NBPF15: variants seen among roughly 807,000 people sequenced by gnomAD.
NBPF15 encodes NBPF member 15.
Under a neutral mutation model 62.2 loss-of-function variants are expected in NBPF15, and 74 were observed. The ratio of observed to expected loss-of-function variants is 1.19; its 90% CI spans 0.99 to 1.44. The LOEUF (loss-of-function observed/expected upper bound fraction) is 1.44, where lower values mean the gene tolerates loss of function less well. Ranked by LOEUF, NBPF15 falls within the 40% of genes most tolerant of loss-of-function variation. The probability of loss-of-function intolerance (pLI) is 0.00; values close to 1 mark genes in which losing one functional copy is unlikely to be tolerated. For missense variants in NBPF15, 790 were observed against 550.0 expected, an observed-to-expected ratio of 1.44 and a Z score of -4.36; for synonymous variants, 244 against 209.7, an observed-to-expected ratio of 1.16 and a Z score of -1.41.
At chr1:144,455,188 A>G (rs1357776255) in intron 4 of NBPF15, among the ~76,000 whole-genome samples, 1 of 147,342 alleles carries the variant, frequency 6.8e-6, no homozygotes, top group Non-Finnish European at 1.5e-5. Flanking sequence ...AGGGAGGAAG[A>G]AAGGAAGGGA....
chr1:144,443,998 G>T (rs1332397670), intron 6 of NBPF15, among the ~76,000 whole-genome samples: 1 of 151,778 alleles, frequency 6.6e-6, no homozygotes, highest in Non-Finnish European at 1.5e-5. Context: ...AATGATACCT[G>T]TGTTCTTTTG....
intron 6 of NBPF15, among the ~76,000 whole-genome samples, chr1:144,447,620 T>C (rs1403716121): frequency 4.6e-5 from 7 of 151,784 alleles, no homozygotes; most frequent in Non-Finnish European, 1.0e-4. Flanking sequence ...GAGGAGGGGA[T>C]GTTATGGGGA....
intron 13 of NBPF15, among the ~76,000 whole-genome samples, chr1:144,433,046 T>C (rs1349542574): frequency 2.0e-5 from 3 of 151,846 alleles, no homozygotes; most frequent in Non-Finnish European, 4.4e-5. Flanking sequence ...ATTGACCACA[T>C]AGTTGGAGGT....
chr1:144,460,884 T>G lies in NBPF15; in HGVS notation c.-860A>C, dbSNP rs1418958639. 5 of 151,452 alleles carry G rather than the reference T, an allele frequency of 3.3e-5. No individual in the cohort carries two copies. The highest frequency in any genetic ancestry group is 7.4e-5 in the Non-Finnish European group (5 of 67,902). The allele number at this position is 151,452 out of a possible 1,614,324, so 9.4% of individuals were successfully genotyped here. ...AATTAGAGGCCTGCCCCGCTAGTCATGAGGTGATTCAGTGACTGCTACAAA... is the reference window on the plus strand; with the variant it reads ...AATTAGAGGCCTGCCCCGCTAGTCAGGAGGTGATTCAGTGACTGCTACAAA... On this transcript the variant is annotated 5_prime_UTR_variant, in exon 2 of 22. It removes an upstream start codon present in the reference 5' UTR. Transcript: ENST00000581897.
chr1:144,459,272 C>G (rs763187522), intron 3 of NBPF15, 94 bp downstream of exon 3: 1 of 152,030 alleles, frequency 6.6e-6, no homozygotes, highest in Non-Finnish European at 1.5e-5. Context: ...AGATGTCTCA[C>G]CTGAGACCAG....
At chr1:144,436,377 C>A (rs1488495699) in intron 10 of NBPF15, among the ~76,000 whole-genome samples, 1 of 151,854 alleles carries the variant, frequency 6.6e-6, no homozygotes, top group African/African-American at 2.4e-5. Flanking sequence ...ACATAAAGTG[C>A]CTTCTCCAAC....
intron 6 of NBPF15, chr1:144,442,925 T>A: frequency 4.8e-6 from 1 of 206,702 alleles, no homozygotes; most frequent in Non-Finnish European, 1.1e-5. Flanking sequence ...GGCCTGCTGA[T>A]GGGCAAAGAA....
rs377396776 is a variant in NBPF15, at chr1:144,459,853, C to T, written c.-818-370G>A. 5.9e-3 allele frequency among the ~76,000 whole-genome samples: 900 copies of T among 151,590 alleles called. 11 individuals are homozygous for T. The highest frequency in any genetic ancestry group is 0.026 in the South Asian group (124 of 4,786). ...AAGGATGTGGGGTAACCAGAGTATC[C>T]CTGCTAAATGGTACAACCACTTTGG... On this transcript the variant is annotated intron_variant, in intron 2 of 21. Coordinates refer to ENST00000581897, the MANE Select transcript of NBPF15 (RefSeq NM_001385408.1).
chr1:144,454,680 G>A (rs1276747114), intron 4 of NBPF15, among the ~76,000 whole-genome samples: 2 of 145,416 alleles, frequency 1.4e-5, no homozygotes, highest in Non-Finnish European at 3.0e-5. Context: ...CAATGCCTGT[G>A]CCATTTACCT....
intron 6 of NBPF15, among the ~76,000 whole-genome samples, chr1:144,448,394 C>A (rs1263355375): frequency 6.6e-6 from 1 of 152,036 alleles, no homozygotes; most frequent in Non-Finnish European, 1.5e-5. Flanking sequence ...GCTGCACTCA[C>A]AACCACTGAA....
rs1427065493 is a variant in NBPF15, at chr1:144,427,931, C to T, written c.1100G>A (p.Arg367Lys). The T allele has an allele frequency of 4.5e-5, 34 of 760,528 alleles. No homozygotes were observed. Among genetic ancestry groups the T allele is most frequent in the East Asian group, 2.4e-5 (1 of 40,860 alleles). 47.1% of individuals were successfully genotyped at this position (760,528 alleles called of 1,614,324 possible). The change falls in exon 16 of 22, where the codon AGA (arginine) becomes AAA (lysine). Residue 367 changes from arginine (R) to lysine (K), a missense_variant. Physicochemically the swap from Arg to Lys is conservative, Grantham distance 26. Coordinates refer to ENST00000581897, the MANE Select transcript of NBPF15 (RefSeq NM_001385408.1). Reference sequence around the variant, plus strand: ...ACAACCTGAAGGAGTTGAATAACATCTATCCAGTGAGTCCTGCAAGACTTC... The same window carrying T: ...ACAACCTGAAGGAGTTGAATAACATTTATCCAGTGAGTCCTGCAAGACTTC... The part of the protein sequence containing the change: ...EPEVLQDSLD[R>K]CYSTPSGCLE...
chr1:144,424,920 C>T, intron 19 of NBPF15, 58 bp from the exon 20 acceptor site: 1 of 520,442 alleles, frequency 1.9e-6, no homozygotes, highest in Non-Finnish European at 3.3e-6. Flanking sequence ...CAACAGAGCC[C>T]CAACTAGGTT....
intron 4 of NBPF15, among the ~76,000 whole-genome samples, chr1:144,451,591 G>A (rs1397316994): frequency 1.3e-5 from 2 of 151,980 alleles, no homozygotes; most frequent in Admixed American, 6.6e-5. Flanking sequence ...TGTGTCTCTG[G>A]GCACTTGAGA....
intron 6 of NBPF15, among the ~76,000 whole-genome samples, chr1:144,448,260 A>C (rs1418577364): frequency 6.6e-6 from 1 of 151,892 alleles, no homozygotes; most frequent in Non-Finnish European, 1.5e-5. Flanking sequence ...ATATTCTGTG[A>C]CTCTGGTTTC....
intron 16 of NBPF15, 91 bp downstream of exon 16, chr1:144,427,727 T>G (rs1670806576): frequency 3.3e-6 from 2 of 607,912 alleles, no homozygotes; most frequent in Admixed American, 5.9e-5. Flanking sequence ...CAATGACATC[T>G]CTCAGCTCAG....
Position 144,422,118 on chromosome 1 carries a change from T to A in NBPF15, c.*895A>T, listed in dbSNP as rs1339743800. 7.3e-6 allele frequency: 1 copy of A among 137,284 alleles called. No homozygotes were observed. The highest frequency in any genetic ancestry group is 1.6e-5 in the Non-Finnish European group (1 of 64,422). The allele number at this position is 137,284 out of a possible 1,614,324, so 8.5% of individuals were successfully genotyped here. A position where few individuals can be genotyped will look rare whatever the true frequency, so the allele number is the denominator to read the frequency against. ...AAATGCAGCTACATTATCTTTTTAC[T>A]TTTTTTGAACCCAAAATATCTCTTC... On this transcript the variant is annotated 3_prime_UTR_variant, in exon 22 of 22. Transcript: ENST00000581897.
chr1:144,442,140 TATA>T (rs1223501618), intron 6 of NBPF15, among the ~76,000 whole-genome samples: 2 of 12,312 alleles, frequency 1.6e-4, no homozygotes, highest in African/African-American at 3.1e-4. Flanking sequence ...TGTATATATA[TATA>T]TATAATATAT....
rs1206493458 is a variant in NBPF15 at position 144,455,113 on chromosome 1, A to AAGGAAGGAAGGAAGGAAGGG, written c.-432+1423_-432+1424insCCCTTCCTTCCTTCCTTCCT. Among the ~76,000 whole-genome samples the AAGGAAGGAAGGAAGGAAGGG allele has an allele frequency of 9.3e-4, 124 of 133,356 alleles. 1 individual carries two copies. In the South Asian group the frequency reaches 0.023, roughly 24 times the overall value. 87.5% of individuals were successfully genotyped at this position (133,356 alleles called of 152,430 possible). A position where few individuals can be genotyped will look rare whatever the true frequency, so the allele number is the denominator to read the frequency against. On this transcript the variant is annotated intron_variant, in intron 4 of 21. Transcript: ENST00000581897. ...GGAGGAAGGAAGGAAGGAAGGAAGGAAGGGAGGGAGGAAGGGAGGGAGGAA... is the reference window on the plus strand; with the variant it reads ...GGAGGAAGGAAGGAAGGAAGGAAGGAAGGAAGGAAGGAAGGAAGGGAGGGAGGGAGGAAGGGAGGGAGGAA...
chr1:144,437,121 C>G lies in NBPF15; in HGVS notation c.279-12G>C, dbSNP rs1477282042. 6.3e-7 allele frequency: 1 copy of G among 1,593,038 alleles called. No homozygotes were observed. Among genetic ancestry groups the G allele is most frequent in the Non-Finnish European group, 8.6e-7 (1 of 1,163,048 alleles). On this transcript the variant is annotated splice_polypyrimidine_tract_variant and intron_variant, in intron 9 of 21. Transcript: ENST00000581897. ...GGACTTTATATTGCCTAAGGTGAGA[C>G]GGTAGAGAAAATTTAAGAGTGGAAA...
Sources: gnomAD v4.1 joint callset for allele counts (sites outside exome capture counted in the v4.1 genomes callset) on GRCh38, gnomAD v4.1.1 for gene constraint, MANE v1.5 for transcripts, NCBI Gene and HGNC (gene_info 2026-07-23, HGNC 2026-07-21) for gene names.